Variants in HEATR9 observed in about 807,000 individuals in gnomAD.
HEATR9 encodes protein HEATR9.
HEATR9 carries 54 observed loss-of-function variants against 68.2 expected under a neutral mutation model. The ratio of observed to expected loss-of-function variants is 0.79; its 90% CI spans 0.64 to 0.99. The LOEUF is 0.99. Ranked by LOEUF, HEATR9 falls within the 50% of genes least tolerant of loss-of-function variation. HEATR9 has a pLI of 0.00. For missense variants in HEATR9, 662 were observed against 679.7 expected, an observed-to-expected ratio of 0.97 and a Z score of 0.29; for synonymous variants, 241 against 253.5, an observed-to-expected ratio of 0.95 and a Z score of 0.47.
intron 8 of HEATR9, among the ~76,000 whole-genome samples, chr17:35,860,635 G>T (rs1193184081): frequency 6.7e-6 from 1 of 149,972 alleles, no homozygotes; most frequent in African/African-American, 2.4e-5. Flanking sequence ...GACTACAGGC[G>T]CCCGCCAGCA....
At chr17:35,860,470 A>AT (rs2087944390) in intron 8 of HEATR9, among the ~76,000 whole-genome samples, 1 of 135,480 alleles carries the variant, frequency 7.4e-6, no homozygotes, top group Admixed American at 7.2e-5. Flanking sequence ...TTATTTATTT[A>AT]TTTATTTATT....
chr17:35,857,398 A>G (rs2087810435), intron 11 of HEATR9, among the ~76,000 whole-genome samples: 2 of 152,250 alleles, frequency 1.3e-5, no homozygotes, highest in East Asian at 1.9e-4. Context: ...GGGCATTGGG[A>G]GCCAATAGAA....
chr17:35,867,500 G>A (rs1210400063), intron 1 of HEATR9, among the ~76,000 whole-genome samples: 3 of 150,882 alleles, frequency 2.0e-5, no homozygotes, highest in South Asian at 2.1e-4. Flanking sequence ...AATACATTCA[G>A]GCATTCATTT....
rs116400393 is a variant in HEATR9, at chr17:35,855,242, G to A, written c.1534C>T (p.Arg512Ter). The A allele has an allele frequency of 1.9e-4, 310 of 1,614,150 alleles. No homozygotes were observed. The African/African-American group carries it at 3.2e-3, about 17-fold the overall frequency. Residue 512 changes from arginine (R) to a stop codon, truncating the protein, a stop_gained, in exon 15 of 15, where the codon CGA becomes TGA. Coordinates refer to ENST00000604834, the MANE Select transcript of HEATR9 (RefSeq NM_152781.4). LOFTEE classifies it low-confidence loss of function (END_TRUNC). Reference protein sequence around the residue: ...NPEELTIQDFRLAKLNPLFIA... With the variant: ...NPEELTIQDF ...AACAAGGGGTTCAGCTTTGCAAGTC[G>A]AAAGTCTTGAATAGTTAACTCTTCT...
Position 35,867,248 on chromosome 17 carries a change from G to T in HEATR9, c.89-475C>A, listed in dbSNP as rs546917661. 6.6e-5 allele frequency among the ~76,000 whole-genome samples: 10 copies of T among 151,974 alleles called. No homozygotes were observed. The East Asian group carries it at 1.9e-3, about 29-fold the overall frequency. Reference sequence around the variant, plus strand: ...AGCTTGGGCGACAGAGCGACAGAGCGAGACTCCGTCTCAAAAAATAAATAA... The same window carrying T: ...AGCTTGGGCGACAGAGCGACAGAGCTAGACTCCGTCTCAAAAAATAAATAA... On this transcript the variant is annotated intron_variant, in intron 1 of 14. Transcript: ENST00000604834.
Position 35,858,316 on chromosome 17 carries a change from G to A in HEATR9, c.1036C>T (p.Arg346Cys), listed in dbSNP as rs201694770. 2.4e-5 allele frequency: 38 copies of A among 1,614,048 alleles called. No homozygotes were observed. Among genetic ancestry groups the A allele is most frequent in the South Asian group, 2.1e-4 (19 of 91,088 alleles). ...TTGAGCATTTGGGTGGCTTCAAAGCGGTCCTGAGGTCGGGGGTGAGGGTTA... is the reference window on the plus strand; with the variant it reads ...TTGAGCATTTGGGTGGCTTCAAAGCAGTCCTGAGGTCGGGGGTGAGGGTTA... ...QLCSSSVLED[R>C]FEATQMLKTI... Residue 346 changes from arginine to cysteine, a missense_variant, in exon 11 of 15, where the codon CGC (arginine) becomes TGC (cysteine). By Grantham distance (180) the Arg-to-Cys change is radical. Coordinates refer to ENST00000604834, the MANE Select transcript of HEATR9 (RefSeq NM_152781.4).
chr17:35,859,628 A>G (rs1369446286), intron 8 of HEATR9, among the ~76,000 whole-genome samples: 2 of 152,112 alleles, frequency 1.3e-5, no homozygotes, highest in African/African-American at 4.8e-5. Context: ...CCTCACCCTC[A>G]GCTCCCTTAC....
At chr17:35,855,628 A>G (rs774876556) in intron 14 of HEATR9, 36 bp downstream of exon 14, 1 of 1,585,992 alleles carries the variant, frequency 6.3e-7, no homozygotes, top group Admixed American at 1.7e-5. Context: ...GGAGGGCTAG[A>G]GAAGAGGAAG....
chr17:35,857,964 G>A (rs990352684), intron 11 of HEATR9, among the ~76,000 whole-genome samples: 3 of 152,122 alleles, frequency 2.0e-5, no homozygotes, highest in Non-Finnish European at 4.4e-5. Context: ...ACTGGTGCGA[G>A]TGAATAGTAT....
chr17:35,855,635 G>C, intron 14 of HEATR9, 29 bp downstream of exon 14: 4 of 1,597,944 alleles, frequency 2.5e-6, no homozygotes, highest in Non-Finnish European at 3.4e-6. Flanking sequence ...TAGAGAAGAG[G>C]AAGAAGTGGG....
chr17:35,855,824 C>T, intron 13 of HEATR9, 74 bp from the exon 14 acceptor site: 1 of 1,265,478 alleles, frequency 7.9e-7, no homozygotes, highest in Non-Finnish European at 1.2e-6. Context: ...CCATTCTAGC[C>T]CCTTTGTGAG....
intron 11 of HEATR9, 65 bp downstream of exon 11, chr17:35,858,135 C>G (rs1423125428): frequency 4.4e-6 from 7 of 1,606,642 alleles, no homozygotes; most frequent in Non-Finnish European, 6.0e-6. Flanking sequence ...CAGGGGAGGT[C>G]TCCAGAACAC....
chr17:35,862,876 C>T, intron 8 of HEATR9, 119 bp downstream of exon 8: 4 of 1,417,150 alleles, frequency 2.8e-6, no homozygotes, highest in Non-Finnish European at 3.9e-6. Flanking sequence ...TCCTCAAGGA[C>T]AGTGTCTTCC....
intron 7 of HEATR9, 144 bp downstream of exon 7, chr17:35,863,358 T>C (rs920303541): frequency 5.0e-6 from 5 of 995,196 alleles, no homozygotes; most frequent in East Asian, 2.5e-5. Flanking sequence ...CTTCCTCTCT[T>C]GGTTCAACAT....
intron 8 of HEATR9, among the ~76,000 whole-genome samples, chr17:35,860,031 T>C (rs1313461502): frequency 6.6e-6 from 1 of 152,184 alleles, no homozygotes; most frequent in Non-Finnish European, 1.5e-5. Context: ...TAACCATCTA[T>C]CTAAGGCCAG....
Position 35,865,306 on chromosome 17 carries a change from G to A in HEATR9, c.229C>T (p.Pro77Ser), listed in dbSNP as rs764738478. The change falls in exon 3 of 15, where the codon CCT (proline) becomes TCT (serine). Residue 77 changes from proline (P) to serine (S), a missense_variant. Coordinates refer to ENST00000604834, the MANE Select transcript of HEATR9 (RefSeq NM_152781.4). The stretch of plus-strand genomic sequence containing the variant: ...TCGTGCCAGTGCGTGTAGATCTCAG[G>A]TTTCTTGAAGTAGCAGTACGGGACT... ...NSVPYCYFKK[P>S]EIYTHWHDLY... is the part of the protein sequence containing the mutation. 19 of 1,458,758 alleles carry A rather than the reference G, an allele frequency of 1.3e-5. No homozygotes were observed. The highest frequency in any genetic ancestry group is 1.7e-5 in the Non-Finnish European group (19 of 1,103,960). 90.4% of individuals were successfully genotyped at this position (1,458,758 alleles called of 1,614,324 possible). A position where few individuals can be genotyped will look rare whatever the true frequency, so the allele number is the denominator to read the frequency against.
intron 2 of HEATR9, among the ~76,000 whole-genome samples, chr17:35,865,796 A>T (rs1032971689): frequency 6.6e-6 from 1 of 152,110 alleles, no homozygotes; most frequent in Non-Finnish European, 1.5e-5. Context: ...AGGTGTGGGG[A>T]GGATGTGGGA....
rs1283663841 is a variant in HEATR9 at position 35,865,236 on chromosome 17, C to T, written c.299G>A (p.Arg100Lys). 6.2e-7 allele frequency: 1 copy of T among 1,613,880 alleles called. No homozygotes were observed. The highest frequency in any genetic ancestry group is 8.5e-7 in the Non-Finnish European group (1 of 1,179,940). Residue 100 changes from arginine (R) to lysine (K), a missense_variant, in exon 3 of 15, where the codon AGG becomes AAG. By Grantham distance (26) the Arg-to-Lys change is conservative (BLOSUM62 2). Coordinates refer to ENST00000604834, the MANE Select transcript of HEATR9 (RefSeq NM_152781.4). Reference sequence around the variant, plus strand: ...ACACCTACAGTCATCTCTCATTTTCCTCAACATCTTCTCAGCCTCCCTTTC... The same window carrying T: ...ACACCTACAGTCATCTCTCATTTTCTTCAACATCTTCTCAGCCTCCCTTTC... ...REEREAEKML[R>K]KMRDDCRYIK...
chr17:35,865,618 T>TGTAAAACA (rs2088173725), intron 2 of HEATR9, among the ~76,000 whole-genome samples: 1 of 152,192 alleles, frequency 6.6e-6, no homozygotes, highest in South Asian at 2.1e-4. Flanking sequence ...AAAACAAAGC[T>TGTAAAACA]AATAATCCTT....
Sources: gnomAD v4.1 joint callset for allele counts (sites outside exome capture counted in the v4.1 genomes callset) on GRCh38, gnomAD v4.1.1 for gene constraint, MANE v1.5 for transcripts, NCBI Gene and HGNC (gene_info 2026-07-23, HGNC 2026-07-21) for gene names.